The following EIPR1 variants were observed in gnomAD, a reference collection of about 807,000 sequenced individuals.
EIPR1 encodes EARP complex and GARP complex interacting protein 1, also known as EARP and GARP complex-interacting protein 1.
Under a neutral mutation model 48.1 loss-of-function variants are expected in EIPR1, and 25 were observed. The ratio of observed to expected loss-of-function variants is 0.52; its 90% confidence interval spans 0.38 to 0.73. The LOEUF (loss-of-function observed/expected upper bound fraction) is 0.73. Ranked by LOEUF, EIPR1 falls within the 30% of genes least tolerant of loss-of-function variation. The probability of loss-of-function intolerance (pLI) is 0.00; values close to 1 mark genes in which losing one functional copy is unlikely to be tolerated. For synonymous variants in EIPR1, 204 were observed against 201.9 expected (o/e 1.01, Z -0.09); for missense variants, 415 against 506.2 (o/e 0.82, Z 1.73).
At chr2:3,283,341 A>G (rs1558271677) in intron 3 of EIPR1, among the ~76,000 whole-genome samples, 1 of 152,206 alleles carries the variant, frequency 6.6e-6, no homozygotes, top group Non-Finnish European at 1.5e-5. Flanking sequence ...GCCAACAAAC[A>G]TGGAGGCACC....
intron 5 of EIPR1, chr2:3,208,541 A>G: frequency 1.9e-6 from 3 of 1,548,334 alleles, no homozygotes; most frequent in Non-Finnish European, 2.6e-6. Flanking sequence ...ACTTAAAAAT[A>G]GTGAGAAATG....
At chr2:3,284,157 C>T (rs1668104769) in intron 3 of EIPR1, among the ~76,000 whole-genome samples, 1 of 149,784 alleles carries the variant, frequency 6.7e-6, no homozygotes, top group Non-Finnish European at 1.5e-5. Context: ...GGAGGCCGCC[C>T]ACAGGCACAG....
intron 3 of EIPR1, among the ~76,000 whole-genome samples, chr2:3,305,627 C>T (rs1477560621): frequency 6.6e-6 from 1 of 152,238 alleles, no homozygotes; most frequent in South Asian, 2.1e-4. Context: ...GACCTGACAA[C>T]CCTGGGGAGG....
intron 4 of EIPR1, among the ~76,000 whole-genome samples, chr2:3,249,049 G>A (rs959605079): frequency 6.6e-6 from 1 of 152,212 alleles, no homozygotes; most frequent in African/African-American, 2.4e-5. Flanking sequence ...AGGTACTGAG[G>A]AGGGGAGCAT....
chr2:3,351,068 G>A lies in EIPR1; in HGVS notation c.126+3482C>T, dbSNP rs540040406. Reference sequence around the variant, plus strand: ...GCCTGGAGTGCAGTGGTGCGATCTCGGCTCACTGCAACCTCCATCTTCCCA... The same window carrying A: ...GCCTGGAGTGCAGTGGTGCGATCTCAGCTCACTGCAACCTCCATCTTCCCA... On this transcript the variant is annotated intron_variant, in intron 2 of 8. Coordinates refer to ENST00000382125, the MANE Select transcript of EIPR1 (RefSeq NM_003310.5). Among the ~76,000 whole-genome samples, 18 of 150,572 alleles carry A rather than the reference G, an allele frequency of 1.2e-4. 1 individual carries two copies. The highest frequency in any genetic ancestry group is 7.9e-4 in the East Asian group (4 of 5,078).
chr2:3,326,586 G>A (rs1470341590), intron 3 of EIPR1, among the ~76,000 whole-genome samples: 1 of 152,208 alleles, frequency 6.6e-6, no homozygotes, highest in East Asian at 1.9e-4. Context: ...CCTCCCTGGA[G>A]TGTGCTAAGT....
intron 4 of EIPR1, among the ~76,000 whole-genome samples, chr2:3,238,323 G>A (rs768111334): frequency 6.6e-6 from 1 of 152,032 alleles, no homozygotes; most frequent in Admixed American, 6.6e-5. Context: ...CACCTACATC[G>A]GCCAGCTGGG....
intron 1 of EIPR1, among the ~76,000 whole-genome samples, chr2:3,372,607 C>T (rs6761332): frequency 0.014 from 2,158 of 152,212 alleles, 50 homozygotes; most frequent in African/African-American, 0.05. Flanking sequence ...AACACCTCTA[C>T]GCAAATAAAC....
chr2:3,325,349 G>A (rs1669661568), intron 3 of EIPR1, among the ~76,000 whole-genome samples: 1 of 152,224 alleles, frequency 6.6e-6, no homozygotes, highest in Non-Finnish European at 1.5e-5. Flanking sequence ...TTCTCCCACT[G>A]CGGAGGAGAT....
At chr2:3,220,614 T>C (rs541671737) in intron 4 of EIPR1, among the ~76,000 whole-genome samples, 5 of 151,598 alleles carry the variant, frequency 3.3e-5, no homozygotes, top group African/African-American at 1.2e-4. Context: ...GTGTACATTT[T>C]AAAGCATTTA....
At chr2:3,344,239 G>A (rs10182031) in intron 2 of EIPR1, among the ~76,000 whole-genome samples, 5,578 of 152,250 alleles carry the variant, frequency 0.037, 346 homozygotes, top group African/African-American at 0.13. Context: ...TCCCTGCCAC[G>A]TCATCCATGA....
intron 4 of EIPR1, among the ~76,000 whole-genome samples, chr2:3,251,574 G>A (rs908012086): frequency 2.0e-5 from 3 of 152,114 alleles, no homozygotes; most frequent in Non-Finnish European, 4.4e-5. Context: ...ACGAGAGCCC[G>A]CCACCCTAGG....
intron 3 of EIPR1, among the ~76,000 whole-genome samples, chr2:3,280,487 G>A (rs982216124): frequency 1.3e-5 from 2 of 152,122 alleles, no homozygotes; most frequent in African/African-American, 4.8e-5. Flanking sequence ...CTCTCTGCTT[G>A]TCTCCCCCAA....
At chr2:3,355,566 T>C (rs1223760668) in intron 1 of EIPR1, among the ~76,000 whole-genome samples, 1 of 152,170 alleles carries the variant, frequency 6.6e-6, no homozygotes, top group Non-Finnish European at 1.5e-5. Context: ...CTCAGCACTT[T>C]GGGAGCCTGA....
chr2:3,335,892 C>A (rs1478271998), intron 3 of EIPR1, among the ~76,000 whole-genome samples: 1 of 152,230 alleles, frequency 6.6e-6, no homozygotes, highest in African/African-American at 2.4e-5. Flanking sequence ...GTCCATTAAA[C>A]CTCTTCATAA....
At chr2:3,208,860 G>T in intron 5 of EIPR1, 1 of 1,550,368 alleles carries the variant, frequency 6.5e-7, no homozygotes, top group Non-Finnish European at 8.7e-7. Context: ...CCTGTTCCCC[G>T]ACTCCAGTGT....
intron 4 of EIPR1, among the ~76,000 whole-genome samples, chr2:3,236,437 G>A (rs1367473096): frequency 6.6e-6 from 1 of 152,186 alleles, no homozygotes; most frequent in Non-Finnish European, 1.5e-5. Flanking sequence ...CCCAGGTGAT[G>A]ACTTCACTCA....
intron 3 of EIPR1, among the ~76,000 whole-genome samples, chr2:3,280,197 G>A (rs1191012297): frequency 2.6e-5 from 4 of 152,178 alleles, no homozygotes; most frequent in East Asian, 1.9e-4. Context: ...CACACTGACC[G>A]CCCTGCTTAG....
intron 3 of EIPR1, chr2:3,319,880 G>GCGGACAACACCGCACC (rs1558296034): frequency 1.2e-5 from 1 of 84,812 alleles, no homozygotes; most frequent in African/African-American, 7.5e-5. Context: ...CACCACCCCT[G>GCGGACAACACCGCACC]TGGACAACAC....
Sources: gnomAD v4.1 joint callset for allele counts (sites outside exome capture counted in the v4.1 genomes callset) on GRCh38, gnomAD v4.1.1 for gene constraint, MANE v1.5 for transcripts, NCBI Gene and HGNC (gene_info 2026-07-23, HGNC 2026-07-21) for gene names.